Variants in SNX14 observed in about 807,000 individuals in gnomAD.
The protein encoded by SNX14 is sorting nexin-14.
In SNX14, 93 loss-of-function variants were observed where a neutral mutation model predicts 133.8. The observed-to-expected ratio is 0.70, with a 90% CI of 0.59 to 0.83. SNX14 has a LOEUF of 0.83. Ranked by LOEUF, SNX14 falls within the 40% of genes least tolerant of loss-of-function variation. The pLI is 0.00. For synonymous variants in SNX14, 368 were observed against 365.6 expected, an observed-to-expected ratio of 1.01 and a Z score of -0.07; for missense variants, 945 against 1,094.9, an observed-to-expected ratio of 0.86 and a Z score of 1.93.
intron 2 of SNX14, 63 bp downstream of exon 2, chr6:85,574,195 C>A: frequency 8.0e-7 from 1 of 1,257,204 alleles, no homozygotes; most frequent in South Asian, 2.4e-5. Flanking sequence ...AGCAGGCTTT[C>A]AAATAATAAA....
At chr6:85,580,156 C>T (rs1367401588) in intron 1 of SNX14, among the ~76,000 whole-genome samples, 1 of 152,102 alleles carries the variant, frequency 6.6e-6, no homozygotes, top group Non-Finnish European at 1.5e-5. Flanking sequence ...ATCTCAGGGA[C>T]AGGAAGACAG....
chr6:85,565,263 A>G, intron 6 of SNX14, 69 bp downstream of exon 6: 1 of 967,232 alleles, frequency 1.0e-6, no homozygotes, highest in Non-Finnish European at 1.6e-6. Context: ...CTCACAAAAA[A>G]TTGTTTTAAA....
At position 85,549,620 on chromosome 6, in the gene SNX14, T is replaced by C. The variant is rs1387896621; in HGVS notation, c.791+103A>G. On this transcript the variant is annotated intron_variant, in intron 8 of 28. Transcript: ENST00000314673. Reference sequence around the variant, plus strand: ...ATTTTTTCAAATGAAAAGCTATTCATAGGCTAACCTCAAATTTTAGCATAT... The same window carrying C: ...ATTTTTTCAAATGAAAAGCTATTCACAGGCTAACCTCAAATTTTAGCATAT... 6.0e-5 allele frequency: 56 copies of C among 928,602 alleles called. 1 individual carries two copies. Among genetic ancestry groups the C allele is most frequent in the Non-Finnish European group, 2.9e-6 (2 of 681,140 alleles). 57.5% of individuals were successfully genotyped at this position (928,602 alleles called of 1,614,324 possible).
chr6:85,572,432 T>A, intron 2 of SNX14, 58 bp from the exon 3 acceptor site: 1 of 1,308,702 alleles, frequency 7.6e-7, no homozygotes, highest in South Asian at 1.3e-5. Flanking sequence ...CATCTTTATT[T>A]AAAAGAATCA....
At chr6:85,540,710 A>C (rs1332217098) in intron 15 of SNX14, among the ~76,000 whole-genome samples, 1 of 152,240 alleles carries the variant, frequency 6.6e-6, no homozygotes, top group South Asian at 2.1e-4. Flanking sequence ...ACACTTGGTT[A>C]CGTCAAGAAA....
At chr6:85,546,105 C>T (rs1216379493) in intron 12 of SNX14, among the ~76,000 whole-genome samples, 2 of 152,130 alleles carry the variant, frequency 1.3e-5, no homozygotes, top group East Asian at 3.9e-4. Flanking sequence ...ATTATACAGG[C>T]AAAACTAATC....
Position 85,572,187 on chromosome 6 carries a change from G to A in SNX14, c.367C>T (p.Pro123Ser). ...RPSLLLENYQ[P>S]WLDLKISSKV... ...GAAGAAATTTTCAGGTCTAGCCATG[G>A]CTGGTAGTTTTCAAGTAGCAAAGAA... The change falls in exon 4 of 29, where the codon CCA (proline) becomes TCA (serine). Residue 123 changes from proline to serine, a missense_variant. Pro to Ser is a moderately conservative substitution (Grantham distance 74, BLOSUM62 -1). Transcript: ENST00000314673. 6.2e-7 allele frequency: 1 copy of A among 1,613,854 alleles called. No individual in the cohort carries two copies. Among genetic ancestry groups the A allele is most frequent in the South Asian group, 1.1e-5 (1 of 91,048 alleles).
chr6:85,537,262 A>G (rs1445998138), intron 16 of SNX14, among the ~76,000 whole-genome samples: 1 of 152,196 alleles, frequency 6.6e-6, no homozygotes, highest in Non-Finnish European at 1.5e-5. Context: ...TCTTATTGCA[A>G]TATTTCAAAA....
At chr6:85,534,977 T>C (rs1268384534) in intron 17 of SNX14, among the ~76,000 whole-genome samples, 2 of 150,662 alleles carry the variant, frequency 1.3e-5, no homozygotes, top group African/African-American at 4.9e-5. Flanking sequence ...TTAGAAAACA[T>C]AAACATTATT....
chr6:85,537,025 T>C, intron 16 of SNX14, 101 bp from the exon 17 acceptor site: 1 of 1,274,656 alleles, frequency 7.8e-7, no homozygotes, highest in Middle Eastern at 1.9e-4. Context: ...GTTTTGAAAA[T>C]GATAAACTAA....
chr6:85,572,377 AAAAAAG>A lies in SNX14; in HGVS notation c.262-9_262-4del. 2 of 1,606,898 alleles carry A rather than the reference AAAAAAG, an allele frequency of 1.2e-6. No individual in the cohort carries two copies. Among genetic ancestry groups the A allele is most frequent in the Non-Finnish European group, 1.7e-6 (2 of 1,176,690 alleles). ...AATAATTCCTGAAGTCCTAACTGCT[AAAAAAG>A]GAAAATGAGAGGTGGTGGGGAGATC... On this transcript the variant is annotated splice_region_variant and splice_polypyrimidine_tract_variant and intron_variant, in intron 2 of 28. Coordinates refer to ENST00000314673, the MANE Select transcript of SNX14 (RefSeq NM_153816.6).
intron 28 of SNX14, among the ~76,000 whole-genome samples, chr6:85,506,899 C>T (rs113325533): frequency 0.02 from 3,005 of 152,262 alleles, 101 homozygotes; most frequent in African/African-American, 0.067. Context: ...CTGACTTACA[C>T]AGCATACAAT....
At chr6:85,560,918 T>C (rs531573726) in intron 6 of SNX14, among the ~76,000 whole-genome samples, 7 of 151,010 alleles carry the variant, frequency 4.6e-5, no homozygotes, top group African/African-American at 1.7e-4. Context: ...CCTGTAATCC[T>C]AGCTACTCCA....
chr6:85,593,710 G>C lies in SNX14; in HGVS notation c.9C>G (p.Pro3=), dbSNP rs140849299. 6.2e-7 allele frequency: 1 copy of C among 1,613,566 alleles called. No individual in the cohort carries two copies. The highest frequency in any genetic ancestry group is 8.5e-7 in the Non-Finnish European group (1 of 1,179,944). Residue 3 remains proline, a synonymous_variant, in exon 1 of 29, where the codon CCC becomes CCG. Coordinates refer to ENST00000314673, the MANE Select transcript of SNX14 (RefSeq NM_153816.6). Reference sequence around the variant, plus strand: ...GCTTCTGCCCCATCGTCCGCACCCAGGGCACCATCTCCGTAACGGCGAGGC... The same window carrying C: ...GCTTCTGCCCCATCGTCCGCACCCACGGCACCATCTCCGTAACGGCGAGGC... MV[P]WVRTMGQKLK...
chr6:85,548,083 G>A (rs1219693534), intron 9 of SNX14, among the ~76,000 whole-genome samples: 1 of 151,988 alleles, frequency 6.6e-6, no homozygotes, highest in Admixed American at 6.6e-5. Flanking sequence ...GTGGTTGCCA[G>A]GGGGGGCTGG....
At position 85,509,125 on chromosome 6, in the gene SNX14, G is replaced by A. The variant is rs111565495; in HGVS notation, c.2654-1066C>T. ...CTTCAGGTGTCACTAAGTAAGAGAT[G>A]AGGAGCAGAGGATAACACAAAGGAA... is the stretch of plus-strand genomic sequence containing the variant. On this transcript the variant is annotated intron_variant, in intron 26 of 28. Coordinates refer to ENST00000314673, the MANE Select transcript of SNX14 (RefSeq NM_153816.6). Among the ~76,000 whole-genome samples the A allele has an allele frequency of 1.4e-4, 22 of 152,292 alleles. 2 individuals carry two copies. The highest frequency in any genetic ancestry group is 4.6e-4 in the African/African-American group (19 of 41,576).
chr6:85,581,849 A>G (rs1284684577), intron 1 of SNX14: 1 of 152,220 alleles, frequency 6.6e-6, no homozygotes, highest in Non-Finnish European at 1.5e-5. Context: ...GATTGAAAAA[A>G]TAGCCTTGAA....
At chr6:85,583,406 A>G (rs1471211632) in intron 1 of SNX14, among the ~76,000 whole-genome samples, 3 of 152,214 alleles carry the variant, frequency 2.0e-5, no homozygotes, top group Admixed American at 2.0e-4. Context: ...GGCCAGGGCA[A>G]TCAGGCAAAA....
intron 26 of SNX14, among the ~76,000 whole-genome samples, chr6:85,510,529 G>A (rs1213979992): frequency 1.3e-5 from 2 of 152,146 alleles, no homozygotes; most frequent in African/African-American, 4.8e-5. Context: ...TCCTTTATCT[G>A]ATACGTCTTT....
Sources: allele counts gnomAD v4.1 joint callset (sites outside exome capture counted in the v4.1 genomes callset), GRCh38; gene constraint gnomAD v4.1.1; transcripts MANE v1.5; gene names NCBI Gene and HGNC (gene_info 2026-07-23, HGNC 2026-07-21).